The following WDR82 variants were observed in gnomAD, a reference collection of about 807,000 sequenced individuals.
WDR82 encodes WD repeat domain 82.
In WDR82, 8 loss-of-function variants were observed where a neutral mutation model predicts 36.1. The observed-to-expected ratio is 0.22, with a 90% CI of 0.13 to 0.40. The LOEUF is 0.40. Among genes scored for constraint, WDR82 ranks in the 10% least tolerant of loss-of-function variants. The pLI is 1.00. For missense variants in WDR82, 185 were observed against 400.5 expected, an observed-to-expected ratio of 0.46 and a Z score of 4.59; for synonymous variants, 129 against 137.8, an observed-to-expected ratio of 0.94 and a Z score of 0.45.
At chr3:52,276,544 A>G (rs1700204842) in intron 1 of WDR82, among the ~76,000 whole-genome samples, 1 of 152,138 alleles carries the variant, frequency 6.6e-6, no homozygotes. Flanking sequence ...ATGCTATAAC[A>G]ACCTTCATTT....
intron 3 of WDR82, among the ~76,000 whole-genome samples, chr3:52,265,988 AC>A (rs1240437485): frequency 1.3e-5 from 2 of 152,154 alleles, no homozygotes; most frequent in Non-Finnish European, 2.9e-5. Context: ...AGGAAAAAAT[AC>A]CCCAAGTGAT....
At chr3:52,260,057 G>A (rs1329539135) in intron 5 of WDR82, among the ~76,000 whole-genome samples, 185 bp from the exon 6 acceptor site, 1 of 152,148 alleles carries the variant, frequency 6.6e-6, no homozygotes, top group Non-Finnish European at 1.5e-5. Context: ...AGGGCCGGGC[G>A]CGGTGGCTCA....
In WDR82 at chr3:52,259,730, A is replaced by G; in HGVS notation, c.686T>C (p.Met229Thr). ...RLIDAFKGVV[M>T]HTFGGYANSK... ...CTGTCAGCTCACCCCAAATGTGTGC[A>G]TCACCACTCCTTTGAATGCATCAAT... is the stretch of plus-strand genomic sequence containing the variant. Residue 229 changes from methionine to threonine, a missense_variant, in exon 6 of 9, where the codon ATG becomes ACG. This residue lies in a region of WDR82 where 110 missense variants were observed against 212.6 expected (regional missense o/e 0.52). Transcript: ENST00000296490. 3 of 1,613,818 alleles carry G rather than the reference A, an allele frequency of 1.9e-6. No homozygotes were observed.
rs113533170 is a variant in WDR82, at chr3:52,276,734, A to G, written c.161+1467T>C. 1.6e-3 allele frequency among the ~76,000 whole-genome samples: 243 copies of G among 152,326 alleles called. 1 individual carries two copies. Among genetic ancestry groups the G allele is most frequent in the African/African-American group, 5.7e-3 (235 of 41,572 alleles). On this transcript the variant is annotated intron_variant, in intron 1 of 8. Transcript: ENST00000296490. ...GTCTTCTAAACTGATTCAAGTGACCAGACCAGGACAGAAATCCATCTACTC... is the reference window on the plus strand; with the variant it reads ...GTCTTCTAAACTGATTCAAGTGACCGGACCAGGACAGAAATCCATCTACTC...
At chr3:52,268,792 C>T (rs1196099229) in intron 2 of WDR82, among the ~76,000 whole-genome samples, 1 of 151,216 alleles carries the variant, frequency 6.6e-6, no homozygotes, top group Non-Finnish European at 1.5e-5. Context: ...GCCAAAATAG[C>T]AGTATAAGCT....
chr3:52,271,452 G>C (rs1426721702), intron 1 of WDR82, among the ~76,000 whole-genome samples: 3 of 152,192 alleles, frequency 2.0e-5, no homozygotes, highest in African/African-American at 7.2e-5. Flanking sequence ...TCTAAGTGAT[G>C]CATGGCTGTA....
chr3:52,273,274 T>TA (rs1205965702), intron 1 of WDR82, among the ~76,000 whole-genome samples: 3 of 151,582 alleles, frequency 2.0e-5, no homozygotes, highest in Non-Finnish European at 2.9e-5. Flanking sequence ...TACTAAAAAT[T>TA]AAAAAAATTA....
At chr3:52,261,587 A>C in intron 3 of WDR82, 108 bp from the exon 4 acceptor site, 2 of 815,396 alleles carry the variant, frequency 2.5e-6, no homozygotes, top group Non-Finnish European at 3.5e-6. Context: ...TGTTCTCCCA[A>C]AATTGCCATT....
intron 3 of WDR82, among the ~76,000 whole-genome samples, chr3:52,265,155 C>T (rs1700094100): frequency 2.0e-5 from 3 of 151,738 alleles, no homozygotes; most frequent in East Asian, 2.0e-4. Flanking sequence ...AAAAAACTAG[C>T]GGGGCTTGGT....
Position 52,261,303 on chromosome 3 carries a change from C to T in WDR82, c.426+77G>A, listed in dbSNP as rs1700059364. 7 of 1,262,892 alleles carry T rather than the reference C, an allele frequency of 5.5e-6. No individual in the cohort carries two copies. The East Asian group carries it at 1.7e-4, about 31-fold the overall frequency. 78.2% of individuals were successfully genotyped at this position (1,262,892 alleles called of 1,614,324 possible). ...CCAGAATGGAACCACTGTTTTCTCC[C>T]TTCTTTGAGAGGTAGAGTTCATTAC... On this transcript the variant is annotated intron_variant, in intron 4 of 8. Coordinates refer to ENST00000296490, the MANE Select transcript of WDR82 (RefSeq NM_025222.4).
intron 6 of WDR82, 26 bp downstream of exon 6, chr3:52,259,691 G>C: frequency 6.3e-7 from 1 of 1,599,278 alleles, no homozygotes; most frequent in Non-Finnish European, 8.5e-7. Context: ...CATGGAAACA[G>C]CCATGCTTGA....
intron 3 of WDR82, among the ~76,000 whole-genome samples, chr3:52,262,636 G>A (rs577453975): frequency 1.3e-5 from 2 of 152,304 alleles, no homozygotes; most frequent in East Asian, 1.9e-4. Context: ...ACCACACCTA[G>A]AGAACCACAA....
intron 3 of WDR82, among the ~76,000 whole-genome samples, chr3:52,264,026 G>A (rs1700085074): frequency 6.6e-6 from 1 of 152,092 alleles, no homozygotes; most frequent in Non-Finnish European, 1.5e-5. Context: ...AGCCGGGCAT[G>A]ATGGTGCGTG....
intron 8 of WDR82, 126 bp from the exon 9 acceptor site, chr3:52,257,645 C>T (rs1700022989): frequency 2.1e-6 from 2 of 973,128 alleles, no homozygotes; most frequent in South Asian, 2.8e-5. Context: ...TCTCTCCTAA[C>T]CAACCAACCC....
chr3:52,278,495 G>T lies in WDR82; in HGVS notation c.-134C>A. The T allele has an allele frequency of 1.3e-6, 1 of 740,872 alleles. No homozygotes were observed. Among genetic ancestry groups the T allele is most frequent in the Non-Finnish European group, 1.8e-6 (1 of 543,552 alleles). 45.9% of individuals were successfully genotyped at this position (740,872 alleles called of 1,614,324 possible). On this transcript the variant is annotated 5_prime_UTR_variant, in exon 1 of 9. Coordinates refer to ENST00000296490, the MANE Select transcript of WDR82 (RefSeq NM_025222.4). Reference sequence around the variant, plus strand: ...GCTAGCGGGAAGTCGGCCAACAGTTGGGCCGCCTCCTCCTCTTCTTCCTGC... The same window carrying T: ...GCTAGCGGGAAGTCGGCCAACAGTTTGGCCGCCTCCTCCTCTTCTTCCTGC...
chr3:52,260,440 G>A lies in WDR82; in HGVS notation c.488C>T (p.Ala163Val). Residue 163 changes from alanine to valine, a missense_variant, in exon 5 of 9, where the codon GCT (alanine) becomes GTT (valine). Around this residue, in one of 3 missense-constraint regions of WDR82, gnomAD observed 110 missense variants for 212.6 expected, o/e 0.52. Coordinates refer to ENST00000296490, the MANE Select transcript of WDR82 (RefSeq NM_025222.4). ...GACCATTTCAGAGTTGACACCTGCAGCGAAAATTAACCCTTCTGGATCAAA... is the reference window on the plus strand; with the variant it reads ...GACCATTTCAGAGTTGACACCTGCAACGAAAATTAACCCTTCTGGATCAAA... ...CSFDPEGLIF[A>V]AGVNSEMVKL... 2.5e-6 allele frequency: 4 copies of A among 1,595,474 alleles called. No individual in the cohort carries two copies. The highest frequency in any genetic ancestry group is 3.4e-6 in the Non-Finnish European group (4 of 1,173,536).
At chr3:52,270,630 AAAGCAG>A (rs1264548280) in intron 2 of WDR82, 76 bp downstream of exon 2, 1 of 1,056,558 alleles carries the variant, frequency 9.5e-7, no homozygotes, top group Admixed American at 2.3e-5. Flanking sequence ...AAGTAGTCAC[AAAGCAG>A]AAGTAGTCAC....
intron 1 of WDR82, among the ~76,000 whole-genome samples, chr3:52,273,157 G>A (rs1700169367): frequency 6.6e-6 from 1 of 152,196 alleles, no homozygotes; most frequent in South Asian, 2.1e-4. Context: ...CTGGCCGGGC[G>A]CAGTGGCTCA....
At chr3:52,273,000 G>A (rs1700168185) in intron 1 of WDR82, among the ~76,000 whole-genome samples, 1 of 152,208 alleles carries the variant, frequency 6.6e-6, no homozygotes, top group African/African-American at 2.4e-5. Context: ...CACTGTCTGG[G>A]GTTCTGATGT....
Sources: allele counts gnomAD v4.1 joint callset (sites outside exome capture counted in the v4.1 genomes callset), GRCh38; gene constraint gnomAD v4.1.1; regional missense constraint gnomAD v4.1.1; transcripts MANE v1.5; gene names NCBI Gene and HGNC (gene_info 2026-07-23, HGNC 2026-07-21).